NFATC2: variants seen among roughly 807,000 people sequenced by gnomAD.
NFATC2 encodes nuclear factor of activated T cells 2.
A neutral mutation model predicts 87.3 loss-of-function variants in NFATC2; 22 were observed. That is an observed-to-expected ratio of 0.25 (90% CI 0.18 to 0.36). NFATC2 has a LOEUF of 0.36. Among genes scored for constraint, NFATC2 ranks in the 10% least tolerant of loss-of-function variants. The probability of loss-of-function intolerance (pLI) is 1.00; values close to 1 mark genes in which losing one functional copy is unlikely to be tolerated. For missense variants in NFATC2, 1,149 were observed against 1,259.1 expected, an observed-to-expected ratio of 0.91 and a Z score of 1.32; for synonymous variants, 565 against 542.2, an observed-to-expected ratio of 1.04 and a Z score of -0.58.
At chr20:51,530,135 G>A (rs1254738152) in intron 1 of NFATC2, among the ~76,000 whole-genome samples, 1 of 152,142 alleles carries the variant, frequency 6.6e-6, no homozygotes, top group Non-Finnish European at 1.5e-5. Context: ...TGGTACAGCA[G>A]TACCTCACTG....
chr20:51,467,072 CAAA>C, intron 5 of NFATC2, among the ~76,000 whole-genome samples: 1 of 79,690 alleles, frequency 1.3e-5, no homozygotes, highest in Admixed American at 1.4e-4. Context: ...GACTTAGTCT[CAAA>C]AAAAAAAAAA....
chr20:51,436,905 G>C (rs148460915), intron 6 of NFATC2, among the ~76,000 whole-genome samples: 1 of 152,280 alleles, frequency 6.6e-6, no homozygotes, highest in East Asian at 1.9e-4. Context: ...GCGGCCCCAA[G>C]TCATGAGGGA....
intron 2 of NFATC2, among the ~76,000 whole-genome samples, chr20:51,520,886 C>T (rs1022607835): frequency 1.5e-4 from 23 of 151,862 alleles, no homozygotes; most frequent in African/African-American, 4.4e-4. Context: ...TCTCAAACTC[C>T]GACCTCAGGT....
At chr20:51,458,002 C>T (rs549967824) in intron 5 of NFATC2, among the ~76,000 whole-genome samples, 17 of 151,908 alleles carry the variant, frequency 1.1e-4, no homozygotes, top group African/African-American at 3.9e-4. Flanking sequence ...CCTCCCACCT[C>T]AGCCTCCCGA....
At chr20:51,400,676 G>T (rs1373039470) in intron 9 of NFATC2, among the ~76,000 whole-genome samples, 1 of 152,138 alleles carries the variant, frequency 6.6e-6, no homozygotes, top group Non-Finnish European at 1.5e-5. Flanking sequence ...ACTGAGGCCC[G>T]AAATCAACTC....
intron 6 of NFATC2, among the ~76,000 whole-genome samples, chr20:51,445,967 G>A (rs1985005990): frequency 6.6e-6 from 1 of 152,202 alleles, no homozygotes; most frequent in Admixed American, 6.5e-5. Context: ...GCTGTCATCT[G>A]TGGATGATCC....
intron 3 of NFATC2, among the ~76,000 whole-genome samples, chr20:51,476,718 A>G (rs894662119): frequency 6.6e-6 from 1 of 152,182 alleles, no homozygotes; most frequent in Non-Finnish European, 1.5e-5. Context: ...TACATATTTG[A>G]TGAGTGAATT....
intron 3 of NFATC2, among the ~76,000 whole-genome samples, chr20:51,488,408 G>A (rs763641652): frequency 2.6e-5 from 4 of 152,114 alleles, no homozygotes; most frequent in East Asian, 1.9e-4. Context: ...CTTTCTTGTC[G>A]GGGGCTGCCC....
chr20:51,397,529 G>A lies in NFATC2; in HGVS notation c.*44+1114C>T, dbSNP rs115185194. Among the ~76,000 whole-genome samples the A allele has an allele frequency of 9.5e-3, 1,446 of 152,254 alleles. 30 individuals carry two copies. Among genetic ancestry groups the A allele is most frequent in the African/African-American group, 0.034 (1,399 of 41,534 alleles). On this transcript the variant is annotated intron_variant, in intron 10 of 10. Transcript: ENST00000371564. The stretch of plus-strand genomic sequence containing the variant: ...TTAAAAAGGCATCGCCCTTCGACAA[G>A]TTCCCTGGGGGGCTTACAACCTCAG...
intron 3 of NFATC2, among the ~76,000 whole-genome samples, chr20:51,508,305 C>T (rs1286765207): frequency 6.6e-6 from 1 of 152,120 alleles, no homozygotes; most frequent in Non-Finnish European, 1.5e-5. Flanking sequence ...CGCACCCTCC[C>T]CCTCTCTCCA....
Position 51,432,667 on chromosome 20 carries a change from A to G in NFATC2, c.2122T>C (p.Tyr708His). 6.4e-7 allele frequency: 1 copy of G among 1,565,122 alleles called. No homozygotes were observed. Among genetic ancestry groups the G allele is most frequent in the East Asian group, 2.2e-5 (1 of 44,510 alleles). Residue 708 changes from tyrosine to histidine, a missense_variant, in exon 9 of 11, where the codon TAC becomes CAC. Transcript: ENST00000371564. This position sits in a 1 kb window ranked among gnomAD's most constrained non-coding sequence, Gnocchi z 4.6. ...THGGLGSQPYYPQHPMVAESP... is the reference protein window; with the variant it reads ...THGGLGSQPYHPQHPMVAESP... ...TCGGCCACCATCGGGTGCTGGGGGT[A>G]GTAAGGCTGGCTCCCCAGGCCTCCA...
chr20:51,520,755 G>C (rs2076431492), intron 2 of NFATC2, among the ~76,000 whole-genome samples: 1 of 151,906 alleles, frequency 6.6e-6, no homozygotes, highest in Non-Finnish European at 1.5e-5. Flanking sequence ...CCGCCTCCTG[G>C]GTTCAAGTGA....
chr20:51,465,686 A>G (rs1211062531), intron 5 of NFATC2, among the ~76,000 whole-genome samples: 1 of 151,958 alleles, frequency 6.6e-6, no homozygotes, highest in Non-Finnish European at 1.5e-5. Context: ...ACAGACACAT[A>G]TTTAACCAGC....
At chr20:51,551,951 T>C (rs1389508658) in intron 1 of NFATC2, among the ~76,000 whole-genome samples, 2 of 151,758 alleles carry the variant, frequency 1.3e-5, no homozygotes, top group Non-Finnish European at 1.5e-5. Context: ...GGCATGAACC[T>C]GGGAGGTGGA....
intron 6 of NFATC2, among the ~76,000 whole-genome samples, chr20:51,441,790 T>C (rs545108910): frequency 6.0e-4 from 90 of 150,926 alleles, no homozygotes; most frequent in Admixed American, 1.8e-3. Flanking sequence ...AAATAGACAG[T>C]GTATGTGAAA....
chr20:51,559,733 C>G (rs1373303008), intron 1 of NFATC2, among the ~76,000 whole-genome samples: 1 of 152,230 alleles, frequency 6.6e-6, no homozygotes, highest in Non-Finnish European at 1.5e-5. Context: ...ATTGAGCACT[C>G]ACTGTGTGCC....
intron 8 of NFATC2, among the ~76,000 whole-genome samples, chr20:51,433,977 A>G (rs1173117257): frequency 6.6e-6 from 1 of 152,140 alleles, no homozygotes. Flanking sequence ...CCGGGCCACA[A>G]ATGAGAGGCA....
Position 51,442,325 on chromosome 20 carries a change from A to C in NFATC2, c.1850-6564T>G, listed in dbSNP as rs554079747. Among the ~76,000 whole-genome samples the C allele has an allele frequency of 1.1e-4, 16 of 152,238 alleles. No individual in the cohort carries two copies. In the East Asian group the frequency reaches 2.3e-3, roughly 22 times the overall value. ...CACGTGCCTGTAATTCCAGCTACTC[A>C]GGAGGCTGAGGCATGAGAATCACTT... On this transcript the variant is annotated intron_variant, in intron 6 of 10. Coordinates refer to ENST00000371564, the MANE Select transcript of NFATC2 (RefSeq NM_012340.5).
intron 1 of NFATC2, among the ~76,000 whole-genome samples, chr20:51,526,259 G>A (rs114329989): frequency 0.037 from 5,636 of 152,120 alleles, 152 homozygotes; most frequent in African/African-American, 0.072. Flanking sequence ...GGCCAAATGC[G>A]GCCCATGGGT....
Sources: gnomAD v4.1 joint callset for allele counts (sites outside exome capture counted in the v4.1 genomes callset) on GRCh38, gnomAD v4.1.1 for gene constraint, Gnocchi (gnomAD v3.1) non-coding constraint, MANE v1.5 for transcripts, NCBI Gene and HGNC (gene_info 2026-07-23, HGNC 2026-07-21) for gene names.